SHISAL1: variants seen among roughly 807,000 people sequenced by gnomAD.
The protein encoded by SHISAL1 is shisa like 1, also known as protein shisa-like-1.
Under a neutral mutation model 22.6 loss-of-function variants are expected in SHISAL1, and 9 were observed. The ratio of observed to expected loss-of-function variants is 0.40; its 90% CI spans 0.24 to 0.70. The LOEUF is 0.70. SHISAL1 is among the 30% of genes least tolerant of loss of function. SHISAL1 has a pLI of 0.39. For synonymous variants in SHISAL1, 119 were observed against 115.4 expected, an observed-to-expected ratio of 1.03 and a Z score of -0.20; for missense variants, 246 against 270.6, an observed-to-expected ratio of 0.91 and a Z score of 0.64.
intron 1 of SHISAL1, among the ~76,000 whole-genome samples, chr22:44,308,607 G>A (rs2055495788): frequency 6.6e-6 from 1 of 152,194 alleles, no homozygotes. Flanking sequence ...CTGACACTCT[G>A]ACTTCCCCCG....
At chr22:44,312,378 C>A (rs1328193662) in intron 1 of SHISAL1, among the ~76,000 whole-genome samples, 1 of 152,128 alleles carries the variant, frequency 6.6e-6, no homozygotes, top group East Asian at 1.9e-4. Flanking sequence ...CATGCCGGAC[C>A]CTCCCCCGAG....
At position 44,282,199 on chromosome 22, in the gene SHISAL1, G is replaced by T. The variant is rs57558314; in HGVS notation, c.599+3229C>A. ...GGGGAGCCGAAGGCCTTGAGGCTGGGCCCAGCAGTCGCCCAGCTTACTCCT... is the reference window on the plus strand; with the variant it reads ...GGGGAGCCGAAGGCCTTGAGGCTGGTCCCAGCAGTCGCCCAGCTTACTCCT... On this transcript the variant is annotated intron_variant, in intron 4 of 4. Coordinates refer to ENST00000381176, the MANE Select transcript of SHISAL1 (RefSeq NM_001099294.2). 5.2e-3 allele frequency among the ~76,000 whole-genome samples: 797 copies of T among 152,370 alleles called. 5 individuals carry two copies. The highest frequency in any genetic ancestry group is 0.018 in the African/African-American group (759 of 41,586).
chr22:44,257,751 C>T (rs2055094374), intron 4 of SHISAL1, among the ~76,000 whole-genome samples: 1 of 152,238 alleles, frequency 6.6e-6, no homozygotes. Flanking sequence ...AGCAACCTCT[C>T]TCTGCATGCA....
chr22:44,329,466 C>T, the SHISAL1 span, among the ~76,000 whole-genome samples: 2 of 152,084 alleles, frequency 1.3e-5, no homozygotes, highest in African/African-American at 4.8e-5. Context: ...CACACACACG[C>T]GCGGCTCTAA....
Position 44,248,125 on chromosome 22 carries a change from G to A in SHISAL1, c.*1560C>T, listed in dbSNP as rs2055018835. On this transcript the variant is annotated 3_prime_UTR_variant, in exon 5 of 5. Transcript: ENST00000381176. ...CCTCGAACTGAGTTCCTGGCACTGA[G>A]TTCCCGGCAGAGCACTCACTGCCTT... The A allele has an allele frequency of 6.6e-6, 1 of 152,112 alleles. No individual in the cohort carries two copies. The highest frequency in any genetic ancestry group is 1.9e-4 in the East Asian group (1 of 5,186). The allele number at this position is 152,112 out of a possible 1,614,324, so 9.4% of individuals were successfully genotyped here.
chr22:44,284,009 C>A (rs892883521), intron 4 of SHISAL1, among the ~76,000 whole-genome samples: 4 of 152,020 alleles, frequency 2.6e-5, no homozygotes, highest in Admixed American at 2.0e-4. Flanking sequence ...ACCTCCACAT[C>A]CCCCAGAGCC....
the SHISAL1 span, among the ~76,000 whole-genome samples, chr22:44,322,825 G>A: frequency 1.2e-4 from 18 of 152,312 alleles, no homozygotes; most frequent in Admixed American, 3.9e-4. Flanking sequence ...TGTCGCTCTC[G>A]TCCTCAAAGG....
the SHISAL1 span, among the ~76,000 whole-genome samples, chr22:44,322,944 CCCATCCAT>C: frequency 6.6e-6 from 1 of 151,428 alleles, no homozygotes; most frequent in Non-Finnish European, 1.5e-5. Context: ...TGTCCGTCCA[CCCATCCAT>C]CCATCCATCC....
intron 3 of SHISAL1, among the ~76,000 whole-genome samples, chr22:44,295,179 G>C (rs1259751490): frequency 6.6e-6 from 1 of 151,942 alleles, no homozygotes; most frequent in Non-Finnish European, 1.5e-5. Context: ...AGGCACTAGT[G>C]TATAGCCAGA....
intron 3 of SHISAL1, among the ~76,000 whole-genome samples, chr22:44,294,041 T>A (rs2055370203): frequency 6.6e-6 from 1 of 152,216 alleles, no homozygotes; most frequent in African/African-American, 2.4e-5. Flanking sequence ...GAAGTCTGGT[T>A]GTTTTGCCAA....
intron 1 of SHISAL1, among the ~76,000 whole-genome samples, chr22:44,305,375 A>G (rs1275286525): frequency 4.6e-5 from 7 of 152,174 alleles, no homozygotes; most frequent in Admixed American, 2.0e-4. Context: ...GACCTCTTCT[A>G]CTAGGCCATG....
At chr22:44,263,371 G>A (rs781590446) in intron 4 of SHISAL1, among the ~76,000 whole-genome samples, 21 of 152,056 alleles carry the variant, frequency 1.4e-4, no homozygotes, top group African/African-American at 2.4e-4. Context: ...GCACCCGGCC[G>A]CCTTCACATA....
chr22:44,271,132 G>A (rs1462229641), intron 4 of SHISAL1, among the ~76,000 whole-genome samples: 1 of 152,126 alleles, frequency 6.6e-6, no homozygotes, highest in Non-Finnish European at 1.5e-5. Flanking sequence ...CCCCTTGCCA[G>A]GTGGAGCTCA....
rs559128777 is a variant in SHISAL1 at position 44,293,192 on chromosome 22, C to G, written c.281+3480G>C. Among the ~76,000 whole-genome samples, 16 of 152,302 alleles carry G rather than the reference C, an allele frequency of 1.1e-4. 1 individual carries two copies. The highest frequency in any genetic ancestry group is 6.8e-3 in the Middle Eastern group (2 of 294). On this transcript the variant is annotated intron_variant, in intron 3 of 4. Transcript: ENST00000381176. The stretch of plus-strand genomic sequence containing the variant: ...TCTCGAGAATCAAGCACCACGCCCC[C>G]CTCCGCAGGAGCACCTATGACAGGA...
chr22:44,303,219 C>A (rs1034635881), intron 1 of SHISAL1, among the ~76,000 whole-genome samples: 7 of 152,080 alleles, frequency 4.6e-5, no homozygotes, highest in African/African-American at 1.7e-4. Context: ...GTACTGTACC[C>A]CATCCTCTCC....
At position 44,298,453 on chromosome 22, in the gene SHISAL1, T is replaced by C. The variant is rs562762128; in HGVS notation, c.68-1568A>G. Among the ~76,000 whole-genome samples the C allele has an allele frequency of 3.3e-5, 5 of 152,108 alleles. No homozygotes were observed. In the East Asian group the frequency reaches 9.8e-4, roughly 30 times the overall value. On this transcript the variant is annotated intron_variant, in intron 2 of 4. Transcript: ENST00000381176. The stretch of plus-strand genomic sequence containing the variant: ...CTGTCCTGGCAAGCCCTCCAGGGGA[T>C]GCTGATGGGCTTGGGTTTGGGGCCC...
intron 1 of SHISAL1, among the ~76,000 whole-genome samples, chr22:44,302,296 C>A (rs536155017): frequency 1.4e-5 from 2 of 145,026 alleles, no homozygotes; most frequent in Admixed American, 6.9e-5. Context: ...GCTGAGATCA[C>A]GCCATTGCAC....
At chr22:44,292,855 TG>T (rs1264899848) in intron 3 of SHISAL1, among the ~76,000 whole-genome samples, 1 of 152,214 alleles carries the variant, frequency 6.6e-6, no homozygotes, top group East Asian at 1.9e-4. Flanking sequence ...CTCCCCTCAG[TG>T]GGGTCCAGGT....
At chr22:44,281,483 T>C (rs2147287566) in intron 4 of SHISAL1, among the ~76,000 whole-genome samples, 1 of 152,172 alleles carries the variant, frequency 6.6e-6, no homozygotes. Flanking sequence ...TGCTGCCTCC[T>C]GCCGCGCTGT....
Sources: allele counts gnomAD v4.1 joint callset (sites outside exome capture counted in the v4.1 genomes callset), GRCh38; gene constraint gnomAD v4.1.1; transcripts MANE v1.5; gene names NCBI Gene and HGNC (gene_info 2026-07-23, HGNC 2026-07-21).